The following ANKRD11 variants were observed in gnomAD, a reference collection of about 807,000 sequenced individuals.
ANKRD11 encodes ankyrin repeat domain 11, also known as ankyrin repeat domain-containing protein 11.
In ANKRD11, 17 loss-of-function variants were observed where a neutral mutation model predicts 195.7. The ratio of observed to expected loss-of-function variants is 0.09; its 90% CI spans 0.06 to 0.13. ANKRD11 has a LOEUF of 0.13. Among genes scored for constraint, ANKRD11 ranks in the 10% least tolerant of loss-of-function variants. ANKRD11 has a pLI of 1.00. For missense variants in ANKRD11, 3,735 were observed against 3,566.1 expected (o/e 1.05, Z -1.21); for synonymous variants, 1,953 against 1,528.1 (o/e 1.28, Z -6.49).
chr16:89,336,780 G>A (rs1384342596), intron 2 of ANKRD11, among the ~76,000 whole-genome samples: 2 of 152,036 alleles, frequency 1.3e-5, no homozygotes, highest in African/African-American at 4.8e-5. Context: ...ATGATAAAAG[G>A]GTTTCAATAC....
intron 2 of ANKRD11, among the ~76,000 whole-genome samples, chr16:89,360,310 T>G (rs1267828661): frequency 1.3e-5 from 2 of 150,940 alleles, no homozygotes; most frequent in Non-Finnish European, 3.0e-5. Context: ...TTGCCCAAGC[T>G]GGCCTGAAAC....
At chr16:89,337,426 A>ATTTTTTTTTTT (rs763560924) in intron 2 of ANKRD11, among the ~76,000 whole-genome samples, 9 of 43,760 alleles carry the variant, frequency 2.1e-4, no homozygotes, top group Non-Finnish European at 2.8e-4. Context: ...GGTCTAAGCA[A>ATTTTTTTTTTT]TTCTTTTTTT....
At chr16:89,331,884 A>T (rs1225378158) in intron 2 of ANKRD11, among the ~76,000 whole-genome samples, 1 of 151,378 alleles carries the variant, frequency 6.6e-6, no homozygotes, top group Admixed American at 6.6e-5. Context: ...GTTCCGGGTT[A>T]ACGGGCTGGG....
At chr16:89,381,979 T>A (rs1364070122) in intron 2 of ANKRD11, among the ~76,000 whole-genome samples, 2 of 152,170 alleles carry the variant, frequency 1.3e-5, no homozygotes, top group Non-Finnish European at 2.9e-5. Context: ...GTAGTGTGTC[T>A]GAGATCGTTT....
Position 89,282,128 on chromosome 16 carries a change from C to T in ANKRD11, c.4414G>A (p.Glu1472Lys), listed in dbSNP as rs1597451653. Residue 1472 changes from glutamate to lysine, a missense_variant, in exon 9 of 13, where the codon GAG becomes AAG. By Grantham distance (56) the Glu-to-Lys change is moderately conservative. Coordinates refer to ENST00000301030, the MANE Select transcript of ANKRD11 (RefSeq NM_013275.6). ...TGCCTGTCCCGGTGCCTCTCCTTCTCGTCTCTCCATTTCTCCCTGTGTTTC... is the reference window on the plus strand; with the variant it reads ...TGCCTGTCCCGGTGCCTCTCCTTCTTGTCTCTCCATTTCTCCCTGTGTTTC... ...REKHREKWRDEKERHRDRHAD... is the reference protein window; with the variant it reads ...REKHREKWRDKKERHRDRHAD... 6.2e-7 allele frequency: 1 copy of T among 1,614,066 alleles called. No individual in the cohort carries two copies. Among genetic ancestry groups the T allele is most frequent in the South Asian group, 1.1e-5 (1 of 91,076 alleles).
chr16:89,376,784 C>T (rs75536775), intron 2 of ANKRD11, among the ~76,000 whole-genome samples: 1,720 of 151,876 alleles, frequency 0.011, 45 homozygotes, highest in African/African-American at 0.04. Flanking sequence ...CCTATTCTGG[C>T]GAAAAAAATC....
In ANKRD11 at chr16:89,454,820, C is replaced by CTCAAGCTGCTCCCCTGGGTGCTTCT. The variant is rs1567828478; in HGVS notation, c.-145+35424_-145+35425insAGAAGCACCCAGGGGAGCAGCTTGA. Among the ~76,000 whole-genome samples, 57 of 21,160 alleles carry CTCAAGCTGCTCCCCTGGGTGCTTCT rather than the reference C, an allele frequency of 2.7e-3. 5 individuals carry two copies. The highest frequency in any genetic ancestry group is 9.2e-3 in the African/African-American group (53 of 5,778). The allele number at this position is 21,160 out of a possible 152,430, so 13.9% of individuals were successfully genotyped here. On this transcript the variant is annotated intron_variant, in intron 1 of 12. Transcript: ENST00000301030. Reference sequence around the variant, plus strand: ...CTCAAGCTGCTCCCCTGGGTGCTTCCAGGGTTCCTCAAGCTGCTCCCCTGG... The same window carrying CTCAAGCTGCTCCCCTGGGTGCTTCT: ...CTCAAGCTGCTCCCCTGGGTGCTTCCTCAAGCTGCTCCCCTGGGTGCTTCTAGGGTTCCTCAAGCTGCTCCCCTGG...
At chr16:89,406,399 C>T (rs889296037) in intron 2 of ANKRD11, among the ~76,000 whole-genome samples, 1 of 152,166 alleles carries the variant, frequency 6.6e-6, no homozygotes, top group Admixed American at 6.5e-5. Context: ...CACCAGCCGG[C>T]GCGCTCTGAG....
intron 2 of ANKRD11, among the ~76,000 whole-genome samples, chr16:89,382,365 A>G (rs917430206): frequency 6.6e-6 from 1 of 152,016 alleles, no homozygotes; most frequent in Non-Finnish European, 1.5e-5. Flanking sequence ...TCGTTCTGTC[A>G]CCCAGGCTGG....
chr16:89,462,807 G>C (rs1366878765), intron 1 of ANKRD11, among the ~76,000 whole-genome samples: 6 of 150,526 alleles, frequency 4.0e-5, no homozygotes, highest in African/African-American at 1.2e-4. Context: ...CACCCCGTCT[G>C]AGAAGTGAGG....
In ANKRD11 at chr16:89,281,920, T is replaced by C. The variant is rs148872431; in HGVS notation, c.4622A>G (p.Glu1541Gly). ...GCTCATCTTCACTGGGTCGCCCTTT[T>C]CTTTCTCTGCACCGTCCTTGAATTT... is the stretch of plus-strand genomic sequence containing the variant. Reference protein sequence around the residue: ...KEKFKDGAEKEKGDPVKMSNG... With the variant: ...KEKFKDGAEKGKGDPVKMSNG... Residue 1541 changes from glutamate to glycine, a missense_variant, in exon 9 of 13, where the codon GAA becomes GGA. Physicochemically the swap from Glu to Gly is moderately conservative, Grantham distance 98 (BLOSUM62 -2). Coordinates refer to ENST00000301030, the MANE Select transcript of ANKRD11 (RefSeq NM_013275.6). The surrounding 1 kb of genome is among the most constrained non-coding windows in gnomAD (Gnocchi z 5.5). 9.9e-6 allele frequency: 16 copies of C among 1,613,252 alleles called. No individual in the cohort carries two copies. The highest frequency in any genetic ancestry group is 1.3e-5 in the African/African-American group (1 of 74,926).
intron 2 of ANKRD11, among the ~76,000 whole-genome samples, chr16:89,383,198 C>CAGGGAGGAAG (rs1353829243): frequency 6.6e-6 from 1 of 152,206 alleles, no homozygotes; most frequent in Non-Finnish European, 1.5e-5. Context: ...GAGGTCACCT[C>CAGGGAGGAAG]AGGGAGGAAG....
chr16:89,372,259 G>T (rs3114863), intron 2 of ANKRD11, among the ~76,000 whole-genome samples: 1 of 152,044 alleles, frequency 6.6e-6, no homozygotes, highest in Non-Finnish European at 1.5e-5. Context: ...CCTGCAGCCC[G>T]AGCCTCTCAC....
In ANKRD11 at chr16:89,284,168, C is replaced by T; in HGVS notation, c.2374G>A (p.Glu792Lys). 1 of 1,605,258 alleles carries T rather than the reference C, an allele frequency of 6.2e-7. No individual in the cohort carries two copies. The highest frequency in any genetic ancestry group is 8.5e-7 in the Non-Finnish European group (1 of 1,177,890). ...LKEDKISKEK[E>K]KIFKEDKEKL... ...TCTTTATCTTCTTTAAAAATCTTCT[C>T]CTTCTCTTTTGAAATTTTGTCCTCT... The change falls in exon 9 of 13, where the codon GAG becomes AAG. Residue 792 changes from glutamate to lysine, a missense_variant. Physicochemically the swap from Glu to Lys is moderately conservative, Grantham distance 56. Transcript: ENST00000301030.
chr16:89,377,187 C>A (rs140081255), intron 2 of ANKRD11, among the ~76,000 whole-genome samples: 1 of 152,230 alleles, frequency 6.6e-6, no homozygotes, highest in East Asian at 1.9e-4. Context: ...CACAGCGTAT[C>A]TAATTCAGCC....
intron 2 of ANKRD11, among the ~76,000 whole-genome samples, chr16:89,348,212 A>G (rs926477761): frequency 6.6e-6 from 1 of 152,200 alleles, no homozygotes; most frequent in African/African-American, 2.4e-5. Flanking sequence ...GATTACAGGC[A>G]TGAGCCACCA....
chr16:89,290,147 C>T (rs2034929653), intron 6 of ANKRD11, among the ~76,000 whole-genome samples: 1 of 152,230 alleles, frequency 6.6e-6, no homozygotes, highest in Non-Finnish European at 1.5e-5. Flanking sequence ...CTGTGAACAC[C>T]CCGAGCCCTG....
chr16:89,285,922 TA>T lies in ANKRD11; in HGVS notation c.892+116del. On this transcript the variant is annotated intron_variant, in intron 8 of 12. Transcript: ENST00000301030. This position sits in a 1 kb window ranked among gnomAD's most constrained non-coding sequence, Gnocchi z 5.6. ...GTCTCCCGCAGTCCAGAAGCTCCTG[TA>T]AGCCCCCAGCATCCGAGGAGGAGCT... The T allele has an allele frequency of 6.5e-7, 1 of 1,531,640 alleles. No individual in the cohort carries two copies. Among genetic ancestry groups the T allele is most frequent in the Non-Finnish European group, 9.0e-7 (1 of 1,116,692 alleles). The allele number at this position is 1,531,640 out of a possible 1,614,324, so 94.9% of individuals were successfully genotyped here. A position where few individuals can be genotyped will look rare whatever the true frequency, so the allele number is the denominator to read the frequency against.
chr16:89,388,265 C>T (rs1041438055), intron 2 of ANKRD11, among the ~76,000 whole-genome samples: 5 of 149,228 alleles, frequency 3.4e-5, no homozygotes, highest in African/African-American at 9.9e-5. Context: ...CGGGTGGTGC[C>T]GGGTGCTCTC....
Sources: allele counts gnomAD v4.1 joint callset (sites outside exome capture counted in the v4.1 genomes callset), GRCh38; gene constraint gnomAD v4.1.1; non-coding constraint Gnocchi (gnomAD v3.1); transcripts MANE v1.5; gene names NCBI Gene and HGNC (gene_info 2026-07-23, HGNC 2026-07-21).